Variants in CAMKMT observed in about 807,000 individuals in gnomAD.
CAMKMT encodes the protein CaM KMT.
A neutral mutation model predicts 48.0 loss-of-function variants in CAMKMT; 53 were observed. That is an observed-to-expected ratio of 1.10 (90% CI 0.89 to 1.39). The LOEUF (loss-of-function observed/expected upper bound fraction) is 1.39, where lower values mean the gene tolerates loss of function less well. Among genes scored for constraint, CAMKMT ranks in the 40% most tolerant of loss-of-function variants. CAMKMT has a pLI of 0.00. For missense variants in CAMKMT, 428 were observed against 402.7 expected, an observed-to-expected ratio of 1.06 and a Z score of -0.54; for synonymous variants, 165 against 152.3, an observed-to-expected ratio of 1.08 and a Z score of -0.61.
chr2:44,446,113 A>AT (rs1176648773), intron 3 of CAMKMT, among the ~76,000 whole-genome samples: 2 of 151,870 alleles, frequency 1.3e-5, no homozygotes, highest in Non-Finnish European at 2.9e-5. Flanking sequence ...CACCCGGCTA[A>AT]TTTTTTGTAT....
intron 3 of CAMKMT, among the ~76,000 whole-genome samples, chr2:44,428,981 G>A (rs555525109): frequency 6.6e-6 from 1 of 152,286 alleles, no homozygotes; most frequent in African/African-American, 2.4e-5. Flanking sequence ...GCATTTGGGG[G>A]CTTTAAGAGT....
intron 3 of CAMKMT, among the ~76,000 whole-genome samples, chr2:44,439,757 G>T (rs951076836): frequency 6.6e-6 from 1 of 151,676 alleles, no homozygotes; most frequent in African/African-American, 2.4e-5. Flanking sequence ...AGAATGGCAT[G>T]AACCCGGGAG....
chr2:44,416,425 T>C lies in CAMKMT; in HGVS notation c.376+26120T>C, dbSNP rs180826431. 1.3e-3 allele frequency among the ~76,000 whole-genome samples: 195 copies of C among 152,270 alleles called. 1 individual carries two copies. The highest frequency in any genetic ancestry group is 4.6e-3 in the African/African-American group (193 of 41,534). ...TCACCCCAGAATGTTTTCTTCTGTT[T>C]TTCTTCCAGTCAAATACTACTTCTC... is the stretch of plus-strand genomic sequence containing the variant. On this transcript the variant is annotated intron_variant, in intron 3 of 10. Coordinates refer to ENST00000378494, the MANE Select transcript of CAMKMT (RefSeq NM_024766.5).
chr2:44,493,870 C>G (rs7606223), intron 3 of CAMKMT, among the ~76,000 whole-genome samples: 9,475 of 152,152 alleles, frequency 0.062, 366 homozygotes, highest in South Asian at 0.15. Flanking sequence ...AATAAGCAAA[C>G]CAGTAACTGT....
At chr2:44,587,621 G>A (rs1669937140) in intron 3 of CAMKMT, among the ~76,000 whole-genome samples, 2 of 119,092 alleles carry the variant, frequency 1.7e-5, no homozygotes, top group South Asian at 2.8e-4. Context: ...GATTGCAGGC[G>A]CGCGCCGCCA....
At chr2:44,525,836 C>T (rs1671375449) in intron 3 of CAMKMT, among the ~76,000 whole-genome samples, 1 of 122,602 alleles carries the variant, frequency 8.2e-6, no homozygotes, top group African/African-American at 2.9e-5. Flanking sequence ...TGCCTCTTTC[C>T]CAAGAATTCT....
chr2:44,682,517 C>G (rs1003336278), intron 3 of CAMKMT, among the ~76,000 whole-genome samples: 13 of 152,304 alleles, frequency 8.5e-5, no homozygotes, highest in African/African-American at 3.1e-4. Flanking sequence ...GCTAATCAAT[C>G]AGTGTATCAA....
intron 3 of CAMKMT, among the ~76,000 whole-genome samples, chr2:44,480,848 T>C (rs1668930545): frequency 6.6e-6 from 1 of 152,212 alleles, no homozygotes; most frequent in Admixed American, 6.5e-5. Flanking sequence ...TATTTCAAAT[T>C]AAAACATACA....
At chr2:44,651,661 G>T (rs529147616) in intron 3 of CAMKMT, among the ~76,000 whole-genome samples, 1 of 152,226 alleles carries the variant, frequency 6.6e-6, no homozygotes, top group Non-Finnish European at 1.5e-5. Flanking sequence ...TGTGGAAAAA[G>T]TCAGCAACAG....
rs545819500 is a variant in CAMKMT, at chr2:44,493,620, G to A, written c.376+103315G>A. ...TTGATAAAGACATTTTTGACCACCT[G>A]ATTTTTGCCTGTTGCCATTGACTTT... On this transcript the variant is annotated intron_variant, in intron 3 of 10. Coordinates refer to ENST00000378494, the MANE Select transcript of CAMKMT (RefSeq NM_024766.5). Among the ~76,000 whole-genome samples the A allele has an allele frequency of 6.6e-5, 10 of 152,278 alleles. No individual in the cohort carries two copies. In the South Asian group the frequency reaches 1.2e-3, roughly 19 times the overall value.
In CAMKMT at chr2:44,464,903, C is replaced by G. The variant is rs76614121; in HGVS notation, c.376+74598C>G. On this transcript the variant is annotated intron_variant, in intron 3 of 10. Transcript: ENST00000378494. ...AAAACATATGAAAATGTAAAGCTCT[C>G]TAGTGAAGGAAAATATATAGATAAA... is the stretch of plus-strand genomic sequence containing the variant. 3.6e-3 allele frequency among the ~76,000 whole-genome samples: 552 copies of G among 152,212 alleles called. 4 individuals are homozygous for G. The highest frequency in any genetic ancestry group is 0.012 in the African/African-American group (513 of 41,556).
chr2:44,618,389 C>A lies in CAMKMT; in HGVS notation c.377-85894C>A, dbSNP rs1672006309. ...CTTGGAGATTAACTGAACAGCCTTC[C>A]TACCAATTCCCAAGCCTGTCAGCAG... is the stretch of plus-strand genomic sequence containing the variant. On this transcript the variant is annotated intron_variant, in intron 3 of 10. Coordinates refer to ENST00000378494, the MANE Select transcript of CAMKMT (RefSeq NM_024766.5). The surrounding 1 kb of genome is among the most constrained non-coding windows in gnomAD (Gnocchi z 4.0). Among the ~76,000 whole-genome samples the A allele has an allele frequency of 6.6e-6, 1 of 152,146 alleles. No individual in the cohort carries two copies. Among genetic ancestry groups the A allele is most frequent in the Non-Finnish European group, 1.5e-5 (1 of 68,010 alleles).
intron 3 of CAMKMT, among the ~76,000 whole-genome samples, chr2:44,558,812 A>G (rs1260430163): frequency 6.6e-6 from 1 of 152,160 alleles, no homozygotes; most frequent in East Asian, 1.9e-4. Context: ...TGAGGGTTCA[A>G]AAACTAACTA....
intron 7 of CAMKMT, among the ~76,000 whole-genome samples, chr2:44,716,785 T>A (rs554587463): frequency 1.8e-4 from 28 of 152,226 alleles, no homozygotes; most frequent in Non-Finnish European, 3.7e-4. Flanking sequence ...TATGTTGTCC[T>A]CATTTACATT....
intron 5 of CAMKMT, 63 bp from the exon 6 acceptor site, chr2:44,707,336 C>A: frequency 6.9e-7 from 1 of 1,451,740 alleles, no homozygotes; most frequent in Non-Finnish European, 9.6e-7. Flanking sequence ...TCACTCCTGT[C>A]TTCACTTCCA....
chr2:44,429,560 G>A (rs1684509588), intron 3 of CAMKMT, among the ~76,000 whole-genome samples: 2 of 152,030 alleles, frequency 1.3e-5, no homozygotes. Flanking sequence ...GGGACCAAAA[G>A]AAGAACGTAT....
chr2:44,696,763 G>C (rs1676978543), intron 3 of CAMKMT, among the ~76,000 whole-genome samples: 1 of 150,104 alleles, frequency 6.7e-6, no homozygotes, highest in Non-Finnish European at 1.5e-5. Flanking sequence ...ACAAAACCAA[G>C]AAACAGAAAA....
At chr2:44,542,310 T>C (rs1172404534) in intron 3 of CAMKMT, among the ~76,000 whole-genome samples, 3 of 152,130 alleles carry the variant, frequency 2.0e-5, no homozygotes, top group African/African-American at 7.2e-5. Flanking sequence ...TACAAATAAA[T>C]GTTTTCCATA....
chr2:44,628,363 ATTG>A (rs1672614827), intron 3 of CAMKMT, among the ~76,000 whole-genome samples: 1 of 151,784 alleles, frequency 6.6e-6, no homozygotes. Flanking sequence ...GTTTTTCTCT[ATTG>A]TTTGTCTGTT....
Sources: gnomAD v4.1 joint callset for allele counts (sites outside exome capture counted in the v4.1 genomes callset) on GRCh38, gnomAD v4.1.1 for gene constraint, Gnocchi (gnomAD v3.1) non-coding constraint, MANE v1.5 for transcripts, NCBI Gene and HGNC (gene_info 2026-07-23, HGNC 2026-07-21) for gene names.